CPA5: variants seen among roughly 807,000 people sequenced by gnomAD.
CPA5 encodes carboxypeptidase A5.
Under a neutral mutation model 52.2 loss-of-function variants are expected in CPA5, and 38 were observed. That is an observed-to-expected ratio of 0.73 (90% CI 0.56 to 0.95). The LOEUF is 0.95. Among genes scored for constraint, CPA5 ranks in the 40% least tolerant of loss-of-function variants. The pLI is 0.00. For missense variants in CPA5, 519 were observed against 566.7 expected (o/e 0.92, Z 0.86); for synonymous variants, 198 against 213.7 (o/e 0.93, Z 0.64).
At chr7:130,373,364 G>A (rs1340845513), downstream of CPA5, among the ~76,000 whole-genome samples, 1 of 150,214 alleles carries the variant, frequency 6.7e-6, no homozygotes, top group Non-Finnish European at 1.5e-5. Flanking sequence ...CAAAATTTAT[G>A]AGCATTTATT....
At chr7:130,366,362 C>T (rs1584834266) in intron 10 of CPA5, among the ~76,000 whole-genome samples, 2 of 152,320 alleles carry the variant, frequency 1.3e-5, no homozygotes, top group African/African-American at 2.4e-5. Context: ...ACTGGGATGA[C>T]TCCTTCCAAG....
intron 4 of CPA5, among the ~76,000 whole-genome samples, chr7:130,349,695 A>G (rs1795006660): frequency 7.0e-6 from 1 of 142,398 alleles, no homozygotes; most frequent in Admixed American, 7.2e-5. Flanking sequence ...TACCCCAGAA[A>G]TATATACACC....
At chr7:130,366,359 T>C (rs1167504519) in intron 10 of CPA5, among the ~76,000 whole-genome samples, 1 of 152,142 alleles carries the variant, frequency 6.6e-6, no homozygotes, top group Non-Finnish European at 1.5e-5. Flanking sequence ...GAAACTGGGA[T>C]GACTCCTTCC....
Position 130,353,010 on chromosome 7 carries a change from A to C in CPA5, c.333+2901A>C, listed in dbSNP as rs187267278. On this transcript the variant is annotated intron_variant, in intron 5 of 12. Transcript: ENST00000474905. ...CAAGGAGAAAACAAAAATCACCCAT[A>C]CTCTGACCATCTAGAGCAGAATACA... is the stretch of plus-strand genomic sequence containing the variant. Among the ~76,000 whole-genome samples the C allele has an allele frequency of 3.2e-4, 49 of 152,036 alleles. 1 individual carries two copies. In the East Asian group the frequency reaches 9.3e-3, roughly 29 times the overall value.
rs1406700099 is a variant in CPA5, at chr7:130,363,454, T to C, written c.783T>C (p.Pro261=). The change falls in exon 10 of 13, where the codon CCT becomes CCC. Residue 261 remains proline, a synonymous_variant. Transcript: ENST00000474905. ...GGCGGAAGAACAAGTCCATCAGACC[T>C]GGAATCTTCTGCATCGGCGTGGATC... ...RLWRKNKSIR[P]GIFCIGVDLN... The C allele has an allele frequency of 5.1e-6, 8 of 1,582,384 alleles. No individual in the cohort carries two copies. Among genetic ancestry groups the C allele is most frequent in the Non-Finnish European group, 6.0e-6 (7 of 1,163,770 alleles).
rs1795842710 is a variant in CPA5 at position 130,362,474 on chromosome 7, AT to A, written c.573del (p.Ile191MetfsTer33). The A allele has an allele frequency of 6.2e-7, 1 of 1,613,430 alleles. No homozygotes were observed. The highest frequency in any genetic ancestry group is 1.1e-5 in the South Asian group (1 of 91,062). On this transcript the variant is annotated frameshift_variant, in exon 8 of 13. Transcript: ENST00000474905. LOFTEE classifies it high-confidence loss of function. ...TGGSRHPAIW[I>X]DTGIHSREWI... ...AGGTTCTCGGCACCCAGCCATCTGGATTGACACTGGAATTCACTCCCGGGAG... is the reference window on the plus strand; with the variant it reads ...AGGTTCTCGGCACCCAGCCATCTGGATGACACTGGAATTCACTCCCGGGAG...
chr7:130,364,349 C>T (rs1490058711), intron 10 of CPA5, among the ~76,000 whole-genome samples: 4 of 152,148 alleles, frequency 2.6e-5, no homozygotes, highest in Admixed American at 6.5e-5. Flanking sequence ...CCCACCACCA[C>T]GCTGGGCTAA....
Position 130,367,949 on chromosome 7 carries a change from AT to A in CPA5, c.1083del (p.His361GlnfsTer72). 1 of 1,614,224 alleles carries A rather than the reference AT, an allele frequency of 6.2e-7. No homozygotes were observed. Among genetic ancestry groups the A allele is most frequent in the Non-Finnish European group, 8.5e-7 (1 of 1,180,040 alleles). ...KDAVEALYKV[H>X]GIEYIFGSIS... ...GCGGTGGAGGCCTTGTATAAGGTCC[AT>A]GGGATCGAGTACATTTTTGGCAGCA... On this transcript the variant is annotated frameshift_variant, in exon 12 of 13. Coordinates refer to ENST00000474905, the MANE Select transcript of CPA5 (RefSeq NM_080385.5). LOFTEE classifies it high-confidence loss of function.
Position 130,367,894 on chromosome 7 carries a change from G to A in CPA5, c.1039-12G>A. On this transcript the variant is annotated splice_polypyrimidine_tract_variant and intron_variant, in intron 11 of 12. Coordinates refer to ENST00000474905, the MANE Select transcript of CPA5 (RefSeq NM_080385.5). ...AGCCCCTGCCTTTCACCCCGCCAAT[G>A]TCATCTTGCAGTACGATCTTGCCAA... is the stretch of plus-strand genomic sequence containing the variant. 1 of 1,613,582 alleles carries A rather than the reference G, an allele frequency of 6.2e-7. No homozygotes were observed.
At chr7:130,368,155 C>T (rs1258697160) in intron 12 of CPA5, among the ~76,000 whole-genome samples, 165 bp downstream of exon 12, 1 of 152,264 alleles carries the variant, frequency 6.6e-6, no homozygotes, top group Non-Finnish European at 1.5e-5. Context: ...CTTTTGTGCA[C>T]AGCTCCCAGT....
rs1554406571 is a variant in CPA5, at chr7:130,361,225, A to G, written c.515A>G (p.Gln172Arg). ...CAGATTGGCAACAGCTTTGAAAACC[A>G]GTCCATTCTTGTCCTGAAGGTAAAA... ...KIQIGNSFEN[Q>R]SILVLKFSTG... is the part of the protein sequence containing the mutation. Residue 172 changes from glutamine to arginine, a missense_variant, in exon 7 of 13, where the codon CAG (glutamine) becomes CGG (arginine). Gln to Arg is a conservative substitution (Grantham distance 43, BLOSUM62 1). Transcript: ENST00000474905. The G allele has an allele frequency of 6.2e-7, 1 of 1,613,148 alleles. No homozygotes were observed. The highest frequency in any genetic ancestry group is 1.1e-5 in the South Asian group (1 of 91,042).
chr7:130,346,458 C>G lies in CPA5; in HGVS notation c.-28C>G. 6.5e-7 allele frequency: 1 copy of G among 1,550,180 alleles called. No individual in the cohort carries two copies. The highest frequency in any genetic ancestry group is 8.9e-7 in the Non-Finnish European group (1 of 1,126,234). ...CCTGGGCCATGGTGCCCAAGGAAAG[C>G]CCCTGAAGCTCACCAGGAGGAAGAA... On this transcript the variant is annotated 5_prime_UTR_variant, in exon 3 of 13. Coordinates refer to ENST00000474905, the MANE Select transcript of CPA5 (RefSeq NM_080385.5).
chr7:130,351,841 T>C (rs782208393), intron 5 of CPA5, among the ~76,000 whole-genome samples: 12 of 152,122 alleles, frequency 7.9e-5, no homozygotes, highest in Non-Finnish European at 1.6e-4. Flanking sequence ...TACTTGGCAA[T>C]GTCCCCTGCA....
At chr7:130,371,627 G>T (rs574368739), downstream of CPA5, among the ~76,000 whole-genome samples, 14 of 150,540 alleles carry the variant, frequency 9.3e-5, no homozygotes, top group Admixed American at 4.6e-4. Flanking sequence ...GTGCGATCTT[G>T]GCTCACCACA....
chr7:130,346,235 A>G (rs1414280277), intron 2 of CPA5, among the ~76,000 whole-genome samples, 158 bp from the exon 3 acceptor site: 1 of 129,030 alleles, frequency 7.8e-6, no homozygotes, highest in Non-Finnish European at 1.8e-5. Context: ...TCCTGAGAGA[A>G]AAGAAAAGCT....
intron 5 of CPA5, among the ~76,000 whole-genome samples, chr7:130,356,478 C>T (rs1278914154): frequency 2.0e-5 from 3 of 152,208 alleles, no homozygotes; most frequent in African/African-American, 7.2e-5. Flanking sequence ...CTTCCGTCAC[C>T]CATCCCCTTC....
intron 5 of CPA5, among the ~76,000 whole-genome samples, chr7:130,357,516 G>A (rs1355523137): frequency 9.9e-5 from 15 of 152,054 alleles, no homozygotes; most frequent in African/African-American, 2.4e-4. Flanking sequence ...CCAGCTACTC[G>A]GGAGGCAGAG....
At chr7:130,366,436 G>C (rs567626998) in intron 10 of CPA5, among the ~76,000 whole-genome samples, 2 of 152,174 alleles carry the variant, frequency 1.3e-5, no homozygotes, top group African/African-American at 4.8e-5. Context: ...TCAGGAATAA[G>C]GGAAAAGCAG....
At position 130,367,412 on chromosome 7, in the gene CPA5, CG is replaced by C; in HGVS notation, c.882del (p.Ser296ProfsTer11). 1 of 1,614,150 alleles carries C rather than the reference CG, an allele frequency of 6.2e-7. No individual in the cohort carries two copies. The highest frequency in any genetic ancestry group is 1.1e-5 in the South Asian group (1 of 91,080). On this transcript the variant is annotated frameshift_variant, in exon 11 of 13. Coordinates refer to ENST00000474905, the MANE Select transcript of CPA5 (RefSeq NM_080385.5). LOFTEE classifies it high-confidence loss of function. ...NSNPCSETYHGPSPQSEPEVA... is the reference protein window; with the variant it reads ...NSNPCSETYHXPSPQSEPEVA... ...GCAACCCCTGCTCAGAAACTTATCA[CG>C]GGCCCTCCCCTCAGTCGGAGCCGGA...
Sources: allele counts gnomAD v4.1 joint callset (sites outside exome capture counted in the v4.1 genomes callset), GRCh38; gene constraint gnomAD v4.1.1; transcripts MANE v1.5; gene names NCBI Gene and HGNC (gene_info 2026-07-23, HGNC 2026-07-21).